The following FNDC3B variants were observed in gnomAD, a reference collection of about 807,000 sequenced individuals.
The protein encoded by FNDC3B is fibronectin type III domain-containing protein 3B.
A neutral mutation model predicts 151.5 loss-of-function variants in FNDC3B; 12 were observed. The observed-to-expected ratio is 0.08, with a 90% CI of 0.05 to 0.13. The LOEUF (loss-of-function observed/expected upper bound fraction) is 0.13. Ranked by LOEUF, FNDC3B falls within the 10% of genes least tolerant of loss-of-function variation. The probability of loss-of-function intolerance (pLI) is 1.00; values close to 1 mark genes in which losing one functional copy is unlikely to be tolerated. For synonymous variants in FNDC3B, 528 were observed against 549.0 expected (o/e 0.96, Z 0.54); for missense variants, 1,214 against 1,505.3 (o/e 0.81, Z 3.20).
chr3:172,263,301 A>C (rs1728747545), intron 6 of FNDC3B, among the ~76,000 whole-genome samples: 1 of 152,000 alleles, frequency 6.6e-6, no homozygotes, highest in Non-Finnish European at 1.5e-5. Context: ...TTTTTATTTG[A>C]AAAGACACAA....
At chr3:172,051,060 G>C (rs1716625638) in intron 1 of FNDC3B, among the ~76,000 whole-genome samples, 1 of 150,840 alleles carries the variant, frequency 6.6e-6, no homozygotes, top group Non-Finnish European at 1.5e-5. Flanking sequence ...CATCATTTTA[G>C]ATAACTTATC....
rs59464072 is a variant in FNDC3B at position 172,321,534 on chromosome 3, TTTTTGTTTTGTTTTG to T, written c.1255-7407_1255-7393del. On this transcript the variant is annotated intron_variant, in intron 11 of 25. Transcript: ENST00000415807. ...ATGTTACACATTTATTTTGCTTTTG[TTTTTGTTTTGTTTTG>T]TTTTGTTTTGAGACAGGGTCTTGCT... The T allele has an allele frequency of 3.7e-3, 652 of 175,902 alleles. 3 individuals are homozygous for T. The highest frequency in any genetic ancestry group is 6.2e-3 in the Non-Finnish European group (530 of 84,956). 10.9% of individuals were successfully genotyped at this position (175,902 alleles called of 1,614,324 possible).
intron 22 of FNDC3B, among the ~76,000 whole-genome samples, chr3:172,360,888 T>C (rs1734322669): frequency 6.6e-6 from 1 of 152,228 alleles, no homozygotes; most frequent in Non-Finnish European, 1.5e-5. Flanking sequence ...TATTCTTATT[T>C]TTAAATTTTG....
chr3:172,337,214 G>T, intron 15 of FNDC3B, 116 bp from the exon 16 acceptor site: 1 of 616,774 alleles, frequency 1.6e-6, no homozygotes, highest in South Asian at 3.0e-5. Flanking sequence ...TTTGCCTTTT[G>T]GTCATGTCTA....
intron 11 of FNDC3B, among the ~76,000 whole-genome samples, chr3:172,315,774 A>G (rs1731749073): frequency 1.3e-5 from 2 of 152,188 alleles, no homozygotes; most frequent in African/African-American, 4.8e-5. Context: ...GCTCCTAAAA[A>G]GGAGCTTGGT....
At chr3:172,278,796 G>A (rs1049968802) in intron 6 of FNDC3B, among the ~76,000 whole-genome samples, 1 of 151,960 alleles carries the variant, frequency 6.6e-6, no homozygotes, top group South Asian at 2.1e-4. Context: ...GCATAGTGGC[G>A]CACACTCGTA....
At chr3:172,081,410 T>G (rs187307770) in intron 1 of FNDC3B, among the ~76,000 whole-genome samples, 2 of 152,300 alleles carry the variant, frequency 1.3e-5, no homozygotes, top group Admixed American at 1.3e-4. Flanking sequence ...GTAAGGGCAG[T>G]CATGCTAATA....
chr3:172,264,329 A>T (rs1192461977), intron 6 of FNDC3B, among the ~76,000 whole-genome samples: 1 of 152,220 alleles, frequency 6.6e-6, no homozygotes, highest in Non-Finnish European at 1.5e-5. Context: ...TGTCAAGGAC[A>T]GCAGGTTCTA....
At chr3:172,170,591 G>A (rs1174241753) in intron 3 of FNDC3B, among the ~76,000 whole-genome samples, 2 of 152,204 alleles carry the variant, frequency 1.3e-5, no homozygotes, top group African/African-American at 4.8e-5. Flanking sequence ...CCTCCTAGCT[G>A]TTCCAGTAGC....
chr3:172,307,835 G>C (rs1162385603), intron 10 of FNDC3B, among the ~76,000 whole-genome samples: 2 of 152,186 alleles, frequency 1.3e-5, no homozygotes, highest in Non-Finnish European at 2.9e-5. Flanking sequence ...TTGGGCAAAG[G>C]GGTGGGAGGA....
chr3:172,055,702 G>A (rs1190019268), intron 1 of FNDC3B, among the ~76,000 whole-genome samples: 2 of 152,138 alleles, frequency 1.3e-5, no homozygotes, highest in African/African-American at 2.4e-5. Flanking sequence ...GGGGCAGTGG[G>A]AGTGAGTAGG....
chr3:172,392,812 T>TTTTTTTTC (rs1736082295), intron 25 of FNDC3B, among the ~76,000 whole-genome samples: 1 of 141,078 alleles, frequency 7.1e-6, no homozygotes, highest in Non-Finnish European at 1.6e-5. Context: ...TTTTTTTTCT[T>TTTTTTTTC]TTTTTTTTTT....
chr3:172,151,230 T>G (rs1054580313), intron 3 of FNDC3B, among the ~76,000 whole-genome samples: 16 of 152,234 alleles, frequency 1.1e-4, no homozygotes, highest in African/African-American at 3.9e-4. Flanking sequence ...GAGTGTATAT[T>G]TGCCAGTGCT....
At chr3:172,207,353 C>A (rs955069472) in intron 3 of FNDC3B, among the ~76,000 whole-genome samples, 1 of 152,076 alleles carries the variant, frequency 6.6e-6, no homozygotes, top group African/African-American at 2.4e-5. Flanking sequence ...ATTAAAAATA[C>A]AATGGGTATC....
chr3:172,322,168 T>G (rs769454820), intron 11 of FNDC3B, among the ~76,000 whole-genome samples: 1 of 152,172 alleles, frequency 6.6e-6, no homozygotes, highest in Non-Finnish European at 1.5e-5. Context: ...CTCTATCATA[T>G]CTAGAGTTTC....
intron 7 of FNDC3B, among the ~76,000 whole-genome samples, chr3:172,288,211 T>A (rs1465352150): frequency 6.6e-6 from 1 of 152,252 alleles, no homozygotes; most frequent in Non-Finnish European, 1.5e-5. Context: ...TATGAATCAA[T>A]TAACTGGCAG....
intron 3 of FNDC3B, chr3:172,148,667 G>A (rs920717974): frequency 3.3e-5 from 5 of 151,882 alleles, no homozygotes; most frequent in Non-Finnish European, 4.4e-5. Context: ...TTAGAACTTC[G>A]GGCCCTGTTT....
At chr3:172,390,361 A>G (rs755186807) in intron 25 of FNDC3B, among the ~76,000 whole-genome samples, 8 of 152,162 alleles carry the variant, frequency 5.3e-5, no homozygotes, top group Non-Finnish European at 8.8e-5. Flanking sequence ...TTATTTTACA[A>G]TGCTTTTTGC....
chr3:172,231,878 C>CTT, intron 4 of FNDC3B, among the ~76,000 whole-genome samples: 2 of 111,928 alleles, frequency 1.8e-5, no homozygotes, highest in Non-Finnish European at 3.7e-5. Flanking sequence ...CTTTATTTAC[C>CTT]GTTTTTTTTT....
Sources: gnomAD v4.1 joint callset for allele counts (sites outside exome capture counted in the v4.1 genomes callset) on GRCh38, gnomAD v4.1.1 for gene constraint, MANE v1.5 for transcripts, NCBI Gene and HGNC (gene_info 2026-07-23, HGNC 2026-07-21) for gene names.